The following CNTN6 variants were observed in gnomAD, a reference collection of about 807,000 sequenced individuals.
The protein encoded by CNTN6 is contactin 6, also known as contactin-6.
In CNTN6, 137 loss-of-function variants were observed where a neutral mutation model predicts 122.8. The observed-to-expected ratio is 1.12, with a 90% CI of 0.97 to 1.29. The LOEUF (loss-of-function observed/expected upper bound fraction) is 1.29. Among genes scored for constraint, CNTN6 ranks in the 50% most tolerant of loss-of-function variants. The pLI, the probability that CNTN6 is intolerant of heterozygous loss-of-function variation, is 0.00. For synonymous variants in CNTN6, 570 were observed against 426.0 expected (o/e 1.34, Z -4.16); for missense variants, 1,634 against 1,223.4 (o/e 1.34, Z -5.01).
chr3:1,151,325 G>C (rs1056626896), intron 2 of CNTN6, among the ~76,000 whole-genome samples: 4 of 152,146 alleles, frequency 2.6e-5, no homozygotes, highest in Non-Finnish European at 5.9e-5. Flanking sequence ...TGTTATCACA[G>C]TAGAATAAAT....
At chr3:1,333,995 G>T (rs977796226) in intron 11 of CNTN6, among the ~76,000 whole-genome samples, 1 of 152,134 alleles carries the variant, frequency 6.6e-6, no homozygotes, top group Non-Finnish European at 1.5e-5. Context: ...TCTCAATACA[G>T]TGAACATGTT....
At chr3:1,191,055 A>T (rs889134252) in intron 2 of CNTN6, among the ~76,000 whole-genome samples, 2 of 152,204 alleles carry the variant, frequency 1.3e-5, no homozygotes, top group Admixed American at 1.3e-4. Context: ...CATAAGAAGA[A>T]ATATGTGTTT....
At chr3:1,385,255 T>A (rs1692692152) in intron 19 of CNTN6, among the ~76,000 whole-genome samples, 1 of 152,124 alleles carries the variant, frequency 6.6e-6, no homozygotes, top group Non-Finnish European at 1.5e-5. Context: ...AGCAAGACAT[T>A]ATAATGAAAG....
At chr3:1,188,701 A>C (rs1415589504) in intron 2 of CNTN6, among the ~76,000 whole-genome samples, 5 of 152,256 alleles carry the variant, frequency 3.3e-5, no homozygotes, top group Non-Finnish European at 7.3e-5. Flanking sequence ...ATGATAGCCA[A>C]AAATACAGTG....
intron 16 of CNTN6, among the ~76,000 whole-genome samples, chr3:1,376,417 C>T (rs900983506): frequency 2.6e-5 from 4 of 152,058 alleles, no homozygotes; most frequent in East Asian, 1.9e-4. Context: ...CTCTCCCAGT[C>T]GCATTCTTGA....
At chr3:1,158,853 CATAT>C (rs1322686488) in intron 2 of CNTN6, among the ~76,000 whole-genome samples, 5 of 70,648 alleles carry the variant, frequency 7.1e-5, no homozygotes, top group African/African-American at 2.7e-4. Context: ...TATATACATA[CATAT>C]ATATACACAC....
intron 17 of CNTN6, among the ~76,000 whole-genome samples, chr3:1,377,355 G>T (rs1366358103): frequency 6.6e-6 from 1 of 152,094 alleles, no homozygotes; most frequent in African/African-American, 2.4e-5. Flanking sequence ...ATCGCTTGAT[G>T]AATTAGGCAT....
Position 1,296,956 on chromosome 3 carries a change from G to A in CNTN6, c.659-933G>A, listed in dbSNP as rs114670474. 5.6e-3 allele frequency among the ~76,000 whole-genome samples: 851 copies of A among 151,924 alleles called. 3 individuals carry two copies. Among genetic ancestry groups the A allele is most frequent in the Non-Finnish European group, 9.6e-3 (655 of 67,964 alleles). On this transcript the variant is annotated intron_variant, in intron 6 of 22. Coordinates refer to ENST00000446702, the MANE Select transcript of CNTN6 (RefSeq NM_001289080.2). ...CTTGAATACATTTACAGGAAAAATA[G>A]AGCAGAAGTATTATATATAATATAA...
intron 7 of CNTN6, among the ~76,000 whole-genome samples, chr3:1,303,287 C>T (rs1363023374): frequency 6.6e-6 from 1 of 152,140 alleles, no homozygotes; most frequent in African/African-American, 2.4e-5. Flanking sequence ...GTCTAGTTAT[C>T]ATGGTTGTTT....
Position 1,146,460 on chromosome 3 carries a change from C to G in CNTN6, c.-82-1467C>G, listed in dbSNP as rs145939026. ...TGTTTTCATCCCATGTACACACACT[C>G]TTTGCCTGGCAAAGAGCTACTCATA... On this transcript the variant is annotated intron_variant, in intron 1 of 22. Transcript: ENST00000446702. Among the ~76,000 whole-genome samples the G allele has an allele frequency of 7.5e-4, 114 of 152,254 alleles. 2 individuals are homozygous for G. The East Asian group carries it at 0.02, about 26-fold the overall frequency.
intron 2 of CNTN6, among the ~76,000 whole-genome samples, chr3:1,177,340 T>C (rs549597987): frequency 2.0e-5 from 3 of 152,330 alleles, no homozygotes; most frequent in Admixed American, 6.5e-5. Context: ...GTTATGATTA[T>C]TGAAAGAGAA....
At chr3:1,377,549 C>A (rs1016175882) in intron 17 of CNTN6, among the ~76,000 whole-genome samples, 1 of 152,278 alleles carries the variant, frequency 6.6e-6, no homozygotes, top group Admixed American at 6.5e-5. Context: ...TACCCATTAA[C>A]ATACAGGCTC....
intron 4 of CNTN6, among the ~76,000 whole-genome samples, chr3:1,240,743 G>A (rs1460858645): frequency 1.3e-5 from 2 of 151,826 alleles, no homozygotes; most frequent in Admixed American, 6.6e-5. Context: ...AAAATTTCAT[G>A]TGTGTCCGTG....
intron 2 of CNTN6, among the ~76,000 whole-genome samples, chr3:1,210,535 A>G (rs1447611717): frequency 1.3e-5 from 2 of 152,162 alleles, no homozygotes; most frequent in Admixed American, 6.5e-5. Flanking sequence ...TGAAAAACTA[A>G]GGTAGAAGCT....
At chr3:1,203,512 G>T (rs1434655900) in intron 2 of CNTN6, among the ~76,000 whole-genome samples, 1 of 152,208 alleles carries the variant, frequency 6.6e-6, no homozygotes, top group Non-Finnish European at 1.5e-5. Flanking sequence ...ACTGAAGAAG[G>T]TAGAAAGCCA....
chr3:1,321,226 T>C (rs1700800042), intron 7 of CNTN6, among the ~76,000 whole-genome samples: 1 of 151,916 alleles, frequency 6.6e-6, no homozygotes, highest in African/African-American at 2.4e-5. Context: ...TTAAATGTCA[T>C]GTTCTCACAA....
chr3:1,332,145 G>A (rs1302338453), intron 11 of CNTN6, among the ~76,000 whole-genome samples: 1 of 151,850 alleles, frequency 6.6e-6, no homozygotes, highest in Non-Finnish European at 1.5e-5. Context: ...TCCTTACTGT[G>A]CATTCTTAAA....
At chr3:1,231,064 C>T (rs1409404895) in intron 4 of CNTN6, among the ~76,000 whole-genome samples, 3 of 152,184 alleles carry the variant, frequency 2.0e-5, no homozygotes, top group Non-Finnish European at 4.4e-5. Context: ...AGCTGCAACA[C>T]CTTAATTAGC....
chr3:1,251,556 A>G (rs1306251922), intron 4 of CNTN6, among the ~76,000 whole-genome samples: 3 of 152,148 alleles, frequency 2.0e-5, no homozygotes, highest in Non-Finnish European at 4.4e-5. Flanking sequence ...CTAAGCCATG[A>G]TGAAATCCAA....
Sources: gnomAD v4.1 joint callset for allele counts (sites outside exome capture counted in the v4.1 genomes callset) on GRCh38, gnomAD v4.1.1 for gene constraint, MANE v1.5 for transcripts, NCBI Gene and HGNC (gene_info 2026-07-23, HGNC 2026-07-21) for gene names.